The following CNTNAP2 variants were observed in gnomAD, a reference collection of about 807,000 sequenced individuals.
CNTNAP2 encodes the protein contactin-associated protein-like 2.
In CNTNAP2, 98 loss-of-function variants were observed where a neutral mutation model predicts 155.2. The observed-to-expected ratio is 0.63, with a 90% CI of 0.54 to 0.75. The LOEUF is 0.75. CNTNAP2 is among the 30% of genes least tolerant of loss of function. The pLI, the probability that CNTNAP2 is intolerant of heterozygous loss-of-function variation, is 0.00. For synonymous variants in CNTNAP2, 651 were observed against 631.2 expected (o/e 1.03, Z -0.47); for missense variants, 1,727 against 1,688.1 (o/e 1.02, Z -0.40).
chr7:146,307,338 A>T (rs1800731997), intron 1 of CNTNAP2, among the ~76,000 whole-genome samples: 1 of 152,222 alleles, frequency 6.6e-6, no homozygotes, highest in Admixed American at 6.5e-5. Context: ...GAGGACGCAA[A>T]CAAATGGAAG....
At chr7:147,750,636 T>A (rs907545141) in intron 13 of CNTNAP2, among the ~76,000 whole-genome samples, 8 of 152,238 alleles carry the variant, frequency 5.3e-5, no homozygotes, top group African/African-American at 1.9e-4. Flanking sequence ...CTACTAATTT[T>A]TGTTCATATA....
At chr7:147,697,937 C>A (rs1225472943) in intron 13 of CNTNAP2, among the ~76,000 whole-genome samples, 1 of 152,166 alleles carries the variant, frequency 6.6e-6, no homozygotes, top group Non-Finnish European at 1.5e-5. Flanking sequence ...TGTGAGGACC[C>A]CCTATGACTG....
At chr7:146,667,718 CTT>C (rs35550665) in intron 1 of CNTNAP2, among the ~76,000 whole-genome samples, 121,667 of 150,030 alleles carry the variant, frequency 0.81, 49,781 homozygotes, top group South Asian at 0.91. Context: ...TAGGTTTCCT[CTT>C]TTTTTTTTTG....
At chr7:147,367,459 T>C (rs539496491) in intron 9 of CNTNAP2, among the ~76,000 whole-genome samples, 49 of 152,180 alleles carry the variant, frequency 3.2e-4, no homozygotes, top group African/African-American at 1.1e-3. Context: ...AAAGTTCTAA[T>C]TGATTCTGCA....
intron 1 of CNTNAP2, among the ~76,000 whole-genome samples, chr7:146,197,022 C>G (rs1158535587): frequency 6.6e-6 from 1 of 152,044 alleles, no homozygotes; most frequent in African/African-American, 2.4e-5. Flanking sequence ...CTCATAACCT[C>G]TCTGTTTTGA....
At chr7:147,493,049 C>G (rs1042055028) in intron 11 of CNTNAP2, among the ~76,000 whole-genome samples, 11 of 152,078 alleles carry the variant, frequency 7.2e-5, no homozygotes, top group African/African-American at 2.7e-4. Context: ...TTTTAAAGAA[C>G]TTATGCCACT....
intron 2 of CNTNAP2, among the ~76,000 whole-genome samples, chr7:146,819,644 A>G (rs1803237912): frequency 6.6e-6 from 1 of 152,126 alleles, no homozygotes; most frequent in South Asian, 2.1e-4. Flanking sequence ...CCTGAGACCC[A>G]AACTCATCTT....
At chr7:146,583,607 A>AACTATGTAT (rs1238367388) in intron 1 of CNTNAP2, among the ~76,000 whole-genome samples, 5 of 152,312 alleles carry the variant, frequency 3.3e-5, no homozygotes, top group Admixed American at 3.3e-4. Context: ...TTATAAAATA[A>AACTATGTAT]TTGAAAAAAT....
At chr7:146,487,054 A>G (rs1324446347) in intron 1 of CNTNAP2, among the ~76,000 whole-genome samples, 2 of 152,216 alleles carry the variant, frequency 1.3e-5, no homozygotes, top group African/African-American at 4.8e-5. Context: ...CTAGAATAAT[A>G]GTTTTCTTTA....
At chr7:147,575,907 T>C (rs923561568) in intron 12 of CNTNAP2, among the ~76,000 whole-genome samples, 2 of 151,960 alleles carry the variant, frequency 1.3e-5, no homozygotes, top group Admixed American at 6.6e-5. Flanking sequence ...TTTTGAGATA[T>C]GGAAACTGAA....
rs147084167 is a variant in CNTNAP2, at chr7:147,764,966, A to G, written c.2098+125660A>G. Among the ~76,000 whole-genome samples, 1,186 of 152,306 alleles carry G rather than the reference A, an allele frequency of 7.8e-3. 10 individuals are homozygous for G. The highest frequency in any genetic ancestry group is 0.027 in the African/African-American group (1,139 of 41,568). ...TAGAGCCCTCTTTTGTGGCTTTTCT[A>G]AACAACTTATTTCTGATAACTTCAT... On this transcript the variant is annotated intron_variant, in intron 13 of 23. Coordinates refer to ENST00000361727, the MANE Select transcript of CNTNAP2 (RefSeq NM_014141.6).
intron 1 of CNTNAP2, among the ~76,000 whole-genome samples, chr7:146,498,740 T>C (rs573399221): frequency 6.6e-6 from 1 of 151,722 alleles, no homozygotes; most frequent in Admixed American, 6.6e-5. Context: ...CTTTGAGTCA[T>C]GTTCCTTACT....
chr7:146,471,395 A>G (rs532192887), intron 1 of CNTNAP2, among the ~76,000 whole-genome samples: 1 of 152,382 alleles, frequency 6.6e-6, no homozygotes. Flanking sequence ...GTCTTAAAAT[A>G]TTCTTGGTTC....
At chr7:146,167,850 G>A (rs573928526) in intron 1 of CNTNAP2, among the ~76,000 whole-genome samples, 2 of 152,268 alleles carry the variant, frequency 1.3e-5, no homozygotes, top group East Asian at 1.9e-4. Flanking sequence ...GAGAGGCAAG[G>A]AAGCAATTAC....
rs185117647 is a variant in CNTNAP2, at chr7:146,707,922, A to T, written c.98-66349A>T. The stretch of plus-strand genomic sequence containing the variant: ...TAGGCATAGCACTTTTTTTTAATGC[A>T]TGGAGTAGGAAATTCAAAGCGACAT... On this transcript the variant is annotated intron_variant, in intron 1 of 23. Transcript: ENST00000361727. Among the ~76,000 whole-genome samples, 334 of 152,060 alleles carry T rather than the reference A, an allele frequency of 2.2e-3. 1 individual carries two copies. The highest frequency in any genetic ancestry group is 3.7e-3 in the Non-Finnish European group (250 of 67,978).
At chr7:146,897,234 T>G (rs1221740884) in intron 3 of CNTNAP2, among the ~76,000 whole-genome samples, 2 of 152,110 alleles carry the variant, frequency 1.3e-5, no homozygotes, top group Admixed American at 6.6e-5. Flanking sequence ...TTTTCAACTT[T>G]TACGTAACTT....
chr7:146,251,501 AAAGTT>A (rs776556948), intron 1 of CNTNAP2, among the ~76,000 whole-genome samples: 3 of 152,336 alleles, frequency 2.0e-5, no homozygotes, highest in Middle Eastern at 6.8e-3. Flanking sequence ...GAATTATAAA[AAAGTT>A]AAGAATTTTA....
intron 15 of CNTNAP2, among the ~76,000 whole-genome samples, chr7:148,090,837 G>T (rs1803825282): frequency 6.6e-6 from 1 of 152,078 alleles, no homozygotes; most frequent in African/African-American, 2.4e-5. Flanking sequence ...CTAAGATCTG[G>T]ACTCAAGTGC....
intron 15 of CNTNAP2, among the ~76,000 whole-genome samples, chr7:148,062,149 G>T (rs1457109976): frequency 1.3e-5 from 2 of 149,540 alleles, no homozygotes; most frequent in East Asian, 2.0e-4. Flanking sequence ...AAGCTAAGTG[G>T]TTTTTTTAAG....
Sources: allele counts gnomAD v4.1 joint callset (sites outside exome capture counted in the v4.1 genomes callset), GRCh38; gene constraint gnomAD v4.1.1; transcripts MANE v1.5; gene names NCBI Gene and HGNC (gene_info 2026-07-23, HGNC 2026-07-21).